Variants in DNAH5 observed in about 807,000 individuals in gnomAD.
DNAH5 encodes axonemal beta dynein heavy chain 5.
In DNAH5, 372 loss-of-function variants were observed where a neutral mutation model predicts 518.2. That is an observed-to-expected ratio of 0.72 (90% confidence interval 0.66 to 0.78). The LOEUF (loss-of-function observed/expected upper bound fraction) is 0.78. DNAH5 is among the 30% of genes least tolerant of loss of function. DNAH5 has a pLI of 0.00. For missense variants in DNAH5, 5,523 were observed against 5,687.0 expected (o/e 0.97, Z 0.93); for synonymous variants, 2,039 against 2,025.9 (o/e 1.01, Z -0.17).
chr5:13,691,835 A>G lies in DNAH5; in HGVS notation c.*149T>C. The G allele has an allele frequency of 3.5e-6, 3 of 857,044 alleles. No homozygotes were observed. The highest frequency in any genetic ancestry group is 5.5e-6 in the Non-Finnish European group (3 of 549,618). The allele number at this position is 857,044 out of a possible 1,614,324, so 53.1% of individuals were successfully genotyped here. On this transcript the variant is annotated 3_prime_UTR_variant, in exon 79 of 79. Coordinates refer to ENST00000265104, the MANE Select transcript of DNAH5 (RefSeq NM_001369.3). ...ATGATGAAACAAGTAAAATATAAGC[A>G]TCCAATTAAGGAGTGGGGAAAACCT...
At chr5:13,946,844 C>T (rs1231468858), upstream of DNAH5, among the ~76,000 whole-genome samples, 1 of 152,246 alleles carries the variant, frequency 6.6e-6, no homozygotes, top group Non-Finnish European at 1.5e-5. Context: ...TGAACAAAAG[C>T]TCGTGAGTGC....
chr5:13,787,146 G>A (rs1419024371), intron 51 of DNAH5, among the ~76,000 whole-genome samples: 4 of 151,256 alleles, frequency 2.6e-5, no homozygotes, highest in Non-Finnish European at 4.4e-5. Flanking sequence ...TCAGGAGGCC[G>A]AGGTTGCCAT....
chr5:13,941,429 C>T (rs1480920444), intron 1 of DNAH5, among the ~76,000 whole-genome samples: 1 of 152,144 alleles, frequency 6.6e-6, no homozygotes, highest in Non-Finnish European at 1.5e-5. Flanking sequence ...CATTCACCTT[C>T]CAGTGCTCTA....
chr5:13,772,828 C>T (rs1277682379), intron 55 of DNAH5, among the ~76,000 whole-genome samples: 1 of 152,088 alleles, frequency 6.6e-6, no homozygotes, highest in Non-Finnish European at 1.5e-5. Flanking sequence ...CTAACACAAA[C>T]GAATGATATA....
At chr5:13,773,578 A>G (rs1257477264) in intron 55 of DNAH5, among the ~76,000 whole-genome samples, 1 of 152,194 alleles carries the variant, frequency 6.6e-6, no homozygotes, top group Non-Finnish European at 1.5e-5. Context: ...AGTATCAAAC[A>G]CCAGTAGCTG....
chr5:13,950,956 GA>G (rs1193765874), intron 1 of DNAH5, among the ~76,000 whole-genome samples: 6 of 152,102 alleles, frequency 3.9e-5, no homozygotes, highest in Non-Finnish European at 8.8e-5. Context: ...TGTACTTTCA[GA>G]AATTCAAAGT....
intron 21 of DNAH5, among the ~76,000 whole-genome samples, chr5:13,877,241 C>T (rs1051925721): frequency 1.3e-5 from 2 of 152,274 alleles, no homozygotes; most frequent in African/African-American, 4.8e-5. Context: ...ATAGAATTCT[C>T]ACTCTTTGAG....
intron 16 of DNAH5, among the ~76,000 whole-genome samples, chr5:13,893,916 GAA>G (rs55894242): frequency 5.3e-4 from 67 of 127,378 alleles, no homozygotes; most frequent in African/African-American, 1.8e-3. Context: ...GTCTTTCTGA[GAA>G]AAAAAAAAAA....
In DNAH5 at chr5:13,752,189, G is replaced by C; in HGVS notation, c.10973C>G (p.Pro3658Arg). 1 of 1,613,906 alleles carries C rather than the reference G, an allele frequency of 6.2e-7. No homozygotes were observed. The highest frequency in any genetic ancestry group is 8.5e-7 in the Non-Finnish European group (1 of 1,179,926). Residue 3658 changes from proline to arginine, a missense_variant, in exon 64 of 79, where the codon CCA becomes CGA. Physicochemically the swap from Pro to Arg is moderately radical, Grantham distance 103 (BLOSUM62 -2). Around this residue, in one of 3 missense-constraint regions of DNAH5, gnomAD observed 5,121 missense variants for 5,223.3 expected, o/e 0.98. Coordinates refer to ENST00000265104, the MANE Select transcript of DNAH5 (RefSeq NM_001369.3). ...TCTTTCCAAAACATTATCTAGTGCT[G>C]GATCTAGTTCCTCTCCAACATCTTC... ...LIEDVGEELD[P>R]ALDNVLERNF...
intron 78 of DNAH5, 130 bp downstream of exon 78, chr5:13,700,510 G>A: frequency 1.1e-6 from 1 of 869,960 alleles, no homozygotes; most frequent in Non-Finnish European, 1.9e-6. Flanking sequence ...AAACATGGGT[G>A]TGAATGTAAA....
At chr5:13,759,033 A>C (rs751969355) in intron 60 of DNAH5, 50 bp from the exon 61 acceptor site, 31 of 1,611,144 alleles carry the variant, frequency 1.9e-5, no homozygotes, top group Non-Finnish European at 2.6e-5. Context: ...ACCTCAAAAC[A>C]TCCTGCATTT....
chr5:13,949,890 T>C (rs776548481), intron 1 of DNAH5, among the ~76,000 whole-genome samples: 17 of 152,200 alleles, frequency 1.1e-4, no homozygotes, highest in Non-Finnish European at 2.1e-4. Context: ...CTGTACATAC[T>C]GGTTGCTTAG....
intron 23 of DNAH5, 40 bp from the exon 24 acceptor site, chr5:13,871,042 T>C (rs1392540717): frequency 6.6e-7 from 1 of 1,507,852 alleles, no homozygotes; most frequent in African/African-American, 1.4e-5. Context: ...TTTTAAAAAC[T>C]CGAATCAGTA....
chr5:13,762,810 C>G lies in DNAH5; in HGVS notation c.10193G>C (p.Arg3398Pro). 1 of 1,614,084 alleles carries G rather than the reference C, an allele frequency of 6.2e-7. No individual in the cohort carries two copies. The highest frequency in any genetic ancestry group is 8.5e-7 in the Non-Finnish European group (1 of 1,179,922). Residue 3398 changes from arginine to proline, a missense_variant, in exon 60 of 79, where the codon CGC becomes CCC. Transcript: ENST00000265104. The stretch of plus-strand genomic sequence containing the variant: ...AAGACCAGCTACATTTCCACATACG[C>G]GTTTAGCAGTTTCGATGTTATAGTC... Reference protein sequence around the residue: ...MPDYNIETAKRVCGNVAGLCS... With the variant: ...MPDYNIETAKPVCGNVAGLCS...
chr5:13,856,257 T>C (rs1422091765), intron 30 of DNAH5, among the ~76,000 whole-genome samples: 1 of 152,068 alleles, frequency 6.6e-6, no homozygotes, highest in Non-Finnish European at 1.5e-5. Context: ...CTAGCCAGAC[T>C]ACTAAAGAAG....
intron 25 of DNAH5, among the ~76,000 whole-genome samples, chr5:13,867,204 T>C (rs1245138253): frequency 2.0e-5 from 3 of 152,190 alleles, no homozygotes; most frequent in Non-Finnish European, 4.4e-5. Context: ...TTATTATGTA[T>C]GAAATCCGAT....
intron 38 of DNAH5, among the ~76,000 whole-genome samples, chr5:13,826,639 C>A (rs1255395089): frequency 6.6e-6 from 1 of 152,250 alleles, no homozygotes; most frequent in Non-Finnish European, 1.5e-5. Context: ...GAGGCCTTCT[C>A]AGCCATGCTG....
At chr5:13,757,626 G>C (rs142980302) in intron 61 of DNAH5, among the ~76,000 whole-genome samples, 88 of 152,212 alleles carry the variant, frequency 5.8e-4, no homozygotes, top group African/African-American at 1.9e-3. Context: ...TAGAATGGGA[G>C]AAAATTATTG....
rs886059974 is a variant in DNAH5 at position 13,810,219 on chromosome 5, C to T, written c.7449G>A (p.Leu2483=). The T allele has an allele frequency of 6.4e-7, 1 of 1,550,648 alleles. No individual in the cohort carries two copies. The highest frequency in any genetic ancestry group is 8.7e-7 in the Non-Finnish European group (1 of 1,146,950). Residue 2483 remains leucine (L), a synonymous_variant, in exon 45 of 79, where the codon CTG becomes CTA. Coordinates refer to ENST00000265104, the MANE Select transcript of DNAH5 (RefSeq NM_001369.3). ...CGCTCCACAGCAGCGCGAACACGAA[C>T]AGCCGCCCCAGGTGAGCCTGGCTCA... is the stretch of plus-strand genomic sequence containing the variant. ...GEVSQAHLGR[L]FVFALLWSAG...
Sources: allele counts gnomAD v4.1 joint callset (sites outside exome capture counted in the v4.1 genomes callset), GRCh38; gene constraint gnomAD v4.1.1; regional missense constraint gnomAD v4.1.1; transcripts MANE v1.5; gene names NCBI Gene and HGNC (gene_info 2026-07-23, HGNC 2026-07-21).